Variants in TMTC1 observed in about 807,000 individuals in gnomAD.
TMTC1 encodes transmembrane O-mannosyltransferase targeting cadherins 1.
A neutral mutation model predicts 104.8 loss-of-function variants in TMTC1; 73 were observed. The observed-to-expected ratio is 0.70, with a 90% confidence interval of 0.58 to 0.85. The LOEUF is 0.85. Among genes scored for constraint, TMTC1 ranks in the 40% least tolerant of loss-of-function variants. TMTC1 has a pLI of 0.00. For missense variants in TMTC1, 1,035 were observed against 1,096.1 expected (o/e 0.94, Z 0.79); for synonymous variants, 434 against 428.7 (o/e 1.01, Z -0.15).
intron 5 of TMTC1, among the ~76,000 whole-genome samples, chr12:29,653,144 C>T (rs1197875539): frequency 4.0e-5 from 6 of 151,772 alleles, no homozygotes; most frequent in Non-Finnish European, 7.4e-5. Context: ...CCTTACACTT[C>T]GTGGATCCTA....
At position 29,596,309 on chromosome 12, in the gene TMTC1, C is replaced by T. The variant is rs1946402824; in HGVS notation, c.1250+7869G>A. ...GGTGTGACCCACTGTGCCTGGCTGACGTCTTTACTTTTCGTTACCCAAACT... is the reference window on the plus strand; with the variant it reads ...GGTGTGACCCACTGTGCCTGGCTGATGTCTTTACTTTTCGTTACCCAAACT... On this transcript the variant is annotated intron_variant, in intron 7 of 17. Coordinates refer to ENST00000539277, the MANE Select transcript of TMTC1 (RefSeq NM_001193451.2). 2.0e-5 allele frequency among the ~76,000 whole-genome samples: 3 copies of T among 152,062 alleles called. No homozygotes were observed. The South Asian group carries it at 6.2e-4, about 31-fold the overall frequency.
At chr12:29,596,434 G>A (rs1336743960) in intron 7 of TMTC1, among the ~76,000 whole-genome samples, 1 of 152,304 alleles carries the variant, frequency 6.6e-6, no homozygotes, top group Non-Finnish European at 1.5e-5. Flanking sequence ...GTTCCCTAGT[G>A]TAAAAATGCA....
In TMTC1 at chr12:29,705,582, C is replaced by T. The variant is rs146115169; in HGVS notation, c.938+46084G>A. ...TTACACTGCTTGTCCAGGTCACCTC[C>T]CCATTACCTGGCTTCCCCACACCCT... On this transcript the variant is annotated intron_variant, in intron 5 of 17. Coordinates refer to ENST00000539277, the MANE Select transcript of TMTC1 (RefSeq NM_001193451.2). Among the ~76,000 whole-genome samples, 880 of 152,220 alleles carry T rather than the reference C, an allele frequency of 5.8e-3. 3 individuals are homozygous for T. The highest frequency in any genetic ancestry group is 0.017 in the Middle Eastern group (5 of 294).
At chr12:29,678,676 T>G (rs140482437) in intron 5 of TMTC1, among the ~76,000 whole-genome samples, 1 of 152,158 alleles carries the variant, frequency 6.6e-6, no homozygotes. Flanking sequence ...GAGATGCCAA[T>G]AGTAATGAGA....
At chr12:29,563,699 G>A (rs1402306498) in intron 9 of TMTC1, among the ~76,000 whole-genome samples, 2 of 152,162 alleles carry the variant, frequency 1.3e-5, no homozygotes, top group African/African-American at 4.8e-5. Flanking sequence ...CCCTGTGATC[G>A]AGATTTTATG....
At chr12:29,594,823 A>C (rs1465465364) in intron 7 of TMTC1, among the ~76,000 whole-genome samples, 8 of 152,204 alleles carry the variant, frequency 5.3e-5, no homozygotes, top group Admixed American at 4.6e-4. Flanking sequence ...GGCATTGCAG[A>C]ATGCTAACTT....
intron 10 of TMTC1, among the ~76,000 whole-genome samples, chr12:29,542,292 C>T (rs143684033): frequency 1.1e-3 from 163 of 152,286 alleles, no homozygotes; most frequent in African/African-American, 3.2e-3. Flanking sequence ...ACAACAAGGA[C>T]TCTCAGAGCT....
intron 5 of TMTC1, among the ~76,000 whole-genome samples, chr12:29,650,850 G>T (rs1939486198): frequency 6.6e-6 from 1 of 152,176 alleles, no homozygotes; most frequent in Non-Finnish European, 1.5e-5. Context: ...GAGGACTCTT[G>T]TTGATATGTG....
chr12:29,660,033 C>A, intron 5 of TMTC1: 1 of 1,410,128 alleles, frequency 7.1e-7, no homozygotes, highest in Non-Finnish European at 9.6e-7. Context: ...AATCTCCACC[C>A]TTTTTGCAGG....
chr12:29,602,599 T>C (rs1946597207), intron 7 of TMTC1, among the ~76,000 whole-genome samples: 1 of 152,090 alleles, frequency 6.6e-6, no homozygotes, highest in South Asian at 2.1e-4. Flanking sequence ...TGTGACCCAC[T>C]ACTACAGTGT....
At chr12:29,725,308 T>C (rs302364) in intron 5 of TMTC1, among the ~76,000 whole-genome samples, 56,925 of 151,542 alleles carry the variant, frequency 0.38, 11,431 homozygotes, top group Non-Finnish European at 0.46. Context: ...ATTACAGGCA[T>C]GAGCCACCAC....
At chr12:29,715,986 A>G (rs181759433) in intron 5 of TMTC1, among the ~76,000 whole-genome samples, 1 of 122,234 alleles carries the variant, frequency 8.2e-6, no homozygotes, top group East Asian at 2.4e-4. Flanking sequence ...AGCCAAACTC[A>G]GTATTATTAT....
chr12:29,678,294 T>C (rs1325932438), intron 5 of TMTC1, among the ~76,000 whole-genome samples: 1 of 152,206 alleles, frequency 6.6e-6, no homozygotes, highest in African/African-American at 2.4e-5. Flanking sequence ...TCTCCAGATA[T>C]TACTTCTTCT....
At chr12:29,762,109 G>T (rs1305162092) in intron 2 of TMTC1, among the ~76,000 whole-genome samples, 1 of 152,114 alleles carries the variant, frequency 6.6e-6, no homozygotes, top group Non-Finnish European at 1.5e-5. Context: ...AGCCCAGGAG[G>T]TAGAGGCTGC....
At chr12:29,587,388 T>C (rs1005799216) in intron 7 of TMTC1, among the ~76,000 whole-genome samples, 13 of 151,968 alleles carry the variant, frequency 8.6e-5, no homozygotes, top group African/African-American at 2.7e-4. Context: ...GGCTGGACTG[T>C]AGTGGTATGA....
rs1943897081 is a variant in TMTC1 at position 29,783,815 on chromosome 12, G to A, written c.-64C>T. 3 of 1,109,814 alleles carry A rather than the reference G, an allele frequency of 2.7e-6. No individual in the cohort carries two copies. Among genetic ancestry groups the A allele is most frequent in the Non-Finnish European group, 3.3e-6 (3 of 911,390 alleles). The allele number at this position is 1,109,814 out of a possible 1,614,324, so 68.7% of individuals were successfully genotyped here. On this transcript the variant is annotated 5_prime_UTR_variant, in exon 1 of 18. Transcript: ENST00000539277. The surrounding 1 kb of genome is among the most constrained non-coding windows in gnomAD (Gnocchi z 4.7). ...GCGTCTGGCATCCTCCCCTACCGGGGCCCCGGCGGCGCGCGGCGTCTGCCC... is the reference window on the plus strand; with the variant it reads ...GCGTCTGGCATCCTCCCCTACCGGGACCCCGGCGGCGCGCGGCGTCTGCCC...
At chr12:29,573,073 G>C (rs159682) in intron 8 of TMTC1, among the ~76,000 whole-genome samples, 148,719 of 152,202 alleles carry the variant, frequency 0.98, 72,690 homozygotes, top group East Asian at 1. Context: ...CGCTCCCCTC[G>C]CATCTACAAG....
Position 29,783,418 on chromosome 12 carries a change from C to T in TMTC1, c.302+32G>A. 1 of 1,284,080 alleles carries T rather than the reference C, an allele frequency of 7.8e-7. No homozygotes were observed. The allele number at this position is 1,284,080 out of a possible 1,614,324, so 79.5% of individuals were successfully genotyped here. A position where few individuals can be genotyped will look rare whatever the true frequency, so the allele number is the denominator to read the frequency against. Reference sequence around the variant, plus strand: ...AGGGACGGGCGGAGGGTAGAGGAGGCAGCGGCGGCTAGCGCGAGGTGAGGG... The same window carrying T: ...AGGGACGGGCGGAGGGTAGAGGAGGTAGCGGCGGCTAGCGCGAGGTGAGGG... On this transcript the variant is annotated intron_variant, in intron 1 of 17. Coordinates refer to ENST00000539277, the MANE Select transcript of TMTC1 (RefSeq NM_001193451.2). The surrounding 1 kb of genome is among the most constrained non-coding windows in gnomAD (Gnocchi z 4.7).
At chr12:29,596,484 A>G (rs1364234711) in intron 7 of TMTC1, among the ~76,000 whole-genome samples, 1 of 152,158 alleles carries the variant, frequency 6.6e-6, no homozygotes, top group Non-Finnish European at 1.5e-5. Flanking sequence ...CTGCTATGAA[A>G]AGAGAATCAT....
Sources: gnomAD v4.1 joint callset for allele counts (sites outside exome capture counted in the v4.1 genomes callset) on GRCh38, gnomAD v4.1.1 for gene constraint, Gnocchi (gnomAD v3.1) non-coding constraint, MANE v1.5 for transcripts, NCBI Gene and HGNC (gene_info 2026-07-23, HGNC 2026-07-21) for gene names.